The following SHB variants were observed in gnomAD, a reference collection of about 807,000 sequenced individuals.
The protein encoded by SHB is SH2 domain containing adaptor protein B.
In SHB, 20 loss-of-function variants were observed where a neutral mutation model predicts 52.3. The observed-to-expected ratio is 0.38, with a 90% CI of 0.27 to 0.56. The LOEUF is 0.56. Ranked by LOEUF, SHB falls within the 20% of genes least tolerant of loss-of-function variation. SHB has a pLI of 0.71. For missense variants in SHB, 825 were observed against 723.3 expected, an observed-to-expected ratio of 1.14 and a Z score of -1.61; for synonymous variants, 397 against 316.5, an observed-to-expected ratio of 1.25 and a Z score of -2.70.
intron 3 of SHB, among the ~76,000 whole-genome samples, chr9:37,959,413 C>T (rs552933135): frequency 3.3e-5 from 5 of 152,254 alleles, no homozygotes; most frequent in South Asian, 2.1e-4. Context: ...TGAAGGGCTG[C>T]GGCTTGCCCT....
intron 5 of SHB, among the ~76,000 whole-genome samples, chr9:37,942,925 G>A (rs1366384614): frequency 6.6e-6 from 1 of 152,042 alleles, no homozygotes; most frequent in Non-Finnish European, 1.5e-5. Context: ...GGGGGGACAG[G>A]GAGGCAGAAG....
intron 2 of SHB, among the ~76,000 whole-genome samples, chr9:37,999,630 C>G (rs1006619305): frequency 3.3e-5 from 5 of 152,084 alleles, no homozygotes; most frequent in African/African-American, 1.2e-4. Flanking sequence ...CTGACAGAGA[C>G]TGGGGACAAA....
At chr9:37,947,743 G>C (rs762330848) in intron 5 of SHB, among the ~76,000 whole-genome samples, 1 of 152,190 alleles carries the variant, frequency 6.6e-6, no homozygotes, top group Non-Finnish European at 1.5e-5. Flanking sequence ...TGACAACCGT[G>C]TCCCTGCAGG....
intron 3 of SHB, among the ~76,000 whole-genome samples, chr9:37,963,881 A>T (rs1156808688): frequency 1.3e-5 from 2 of 152,170 alleles, no homozygotes; most frequent in African/African-American, 2.4e-5. Context: ...CAAACAACGT[A>T]CTGTATCATC....
intron 2 of SHB, among the ~76,000 whole-genome samples, chr9:37,986,017 T>G (rs994074647): frequency 6.6e-6 from 1 of 152,246 alleles, no homozygotes; most frequent in African/African-American, 2.4e-5. Context: ...TAGTTCTGCC[T>G]GGCTCCCAGC....
intron 1 of SHB, among the ~76,000 whole-genome samples, chr9:38,062,452 TGCA>T (rs1342709281): frequency 6.6e-6 from 1 of 152,196 alleles, no homozygotes; most frequent in Admixed American, 6.5e-5. Flanking sequence ...GTCAACAGAA[TGCA>T]GCAGAAGGGT....
chr9:38,013,783 G>A lies in SHB; in HGVS notation c.838+2228C>T, dbSNP rs912386558. 7.2e-5 allele frequency among the ~76,000 whole-genome samples: 11 copies of A among 152,120 alleles called. 1 individual carries two copies. The highest frequency in any genetic ancestry group is 5.2e-4 in the Admixed American group (8 of 15,272). On this transcript the variant is annotated intron_variant, in intron 2 of 5. Coordinates refer to ENST00000377707, the MANE Select transcript of SHB (RefSeq NM_003028.3). ...CCTCTCCCATCCCCCTTCCATTCCCGAGTGTGGACTCCTGTAACAACATCC... is the reference window on the plus strand; with the variant it reads ...CCTCTCCCATCCCCCTTCCATTCCCAAGTGTGGACTCCTGTAACAACATCC...
intron 3 of SHB, among the ~76,000 whole-genome samples, chr9:37,959,291 A>G (rs1322056914): frequency 6.6e-6 from 1 of 152,152 alleles, no homozygotes; most frequent in Non-Finnish European, 1.5e-5. Context: ...GTCAGGGAGC[A>G]TGGGACTAGC....
intron 1 of SHB, among the ~76,000 whole-genome samples, chr9:38,035,030 A>G (rs1821467058): frequency 6.6e-6 from 1 of 152,126 alleles, no homozygotes. Flanking sequence ...AGCGGTCACC[A>G]GGATGATAAA....
chr9:37,952,827 G>C (rs1832582067), intron 4 of SHB, among the ~76,000 whole-genome samples: 1 of 152,046 alleles, frequency 6.6e-6, no homozygotes, highest in African/African-American at 2.4e-5. Context: ...GTTTCGAGGA[G>C]AAGATCAGGA....
intron 5 of SHB, among the ~76,000 whole-genome samples, chr9:37,934,992 C>T (rs1406512026): frequency 2.0e-5 from 3 of 152,198 alleles, no homozygotes; most frequent in Admixed American, 6.5e-5. Context: ...ACAGATCCCA[C>T]AGAAGTAAAA....
intron 1 of SHB, among the ~76,000 whole-genome samples, chr9:38,039,966 G>A (rs1420518266): frequency 1.3e-5 from 2 of 152,242 alleles, no homozygotes; most frequent in African/African-American, 2.4e-5. Flanking sequence ...CCAGGATTTG[G>A]GTTCTGAAAC....
At chr9:38,065,089 A>C (rs1052920993) in intron 1 of SHB, among the ~76,000 whole-genome samples, 3 of 152,234 alleles carry the variant, frequency 2.0e-5, no homozygotes, top group African/African-American at 7.2e-5. Context: ...CCTAGGTGAC[A>C]GAGTGAGACC....
rs1052916866 is a variant in SHB, at chr9:38,028,133, C to A, written c.718-12002G>T. On this transcript the variant is annotated intron_variant, in intron 1 of 5. Coordinates refer to ENST00000377707, the MANE Select transcript of SHB (RefSeq NM_003028.3). The stretch of plus-strand genomic sequence containing the variant: ...GTGCAGGCTGCCTCCCCTCCCAAAG[C>A]CCAAGTATCATTTTCTCCTGGTCTA... Among the ~76,000 whole-genome samples, 3 of 152,122 alleles carry A rather than the reference C, an allele frequency of 2.0e-5. No individual in the cohort carries two copies. The East Asian group carries it at 5.8e-4, about 29-fold the overall frequency.
Position 37,956,065 on chromosome 9 carries a change from A to G in SHB, c.1055-11T>C, listed in dbSNP as rs1200292175. Reference sequence around the variant, plus strand: ...TGCCATTAAACTGTGCTGTGGGGAGAGAGAGAAAGTGCAGGGTTAGCAGAG... The same window carrying G: ...TGCCATTAAACTGTGCTGTGGGGAGGGAGAGAAAGTGCAGGGTTAGCAGAG... On this transcript the variant is annotated splice_polypyrimidine_tract_variant and intron_variant, in intron 3 of 5. Coordinates refer to ENST00000377707, the MANE Select transcript of SHB (RefSeq NM_003028.3). 1.3e-6 allele frequency: 2 copies of G among 1,553,708 alleles called. No homozygotes were observed. Among genetic ancestry groups the G allele is most frequent in the Admixed American group, 3.9e-5 (2 of 51,068 alleles).
chr9:38,052,730 C>A (rs1821766933), intron 1 of SHB, among the ~76,000 whole-genome samples: 1 of 152,188 alleles, frequency 6.6e-6, no homozygotes, highest in Non-Finnish European at 1.5e-5. Flanking sequence ...TTCACTCACT[C>A]CCTCCACTAC....
At chr9:37,923,958 G>C (rs1417356774) in intron 5 of SHB, among the ~76,000 whole-genome samples, 1 of 152,226 alleles carries the variant, frequency 6.6e-6, no homozygotes, top group African/African-American at 2.4e-5. Context: ...GGCAGCATGG[G>C]CTTCCACACC....
chr9:37,978,344 T>C (rs1029077447), intron 2 of SHB, among the ~76,000 whole-genome samples: 3 of 152,204 alleles, frequency 2.0e-5, no homozygotes, highest in Non-Finnish European at 4.4e-5. Flanking sequence ...GGGGATGTTA[T>C]AACGGTAATC....
chr9:38,023,557 C>T (rs1011078613), intron 1 of SHB, among the ~76,000 whole-genome samples: 2 of 152,274 alleles, frequency 1.3e-5, no homozygotes, highest in African/African-American at 4.8e-5. Flanking sequence ...AAGAAACCCC[C>T]GCCAAGGCCC....
Sources: allele counts gnomAD v4.1 joint callset (sites outside exome capture counted in the v4.1 genomes callset), GRCh38; gene constraint gnomAD v4.1.1; transcripts MANE v1.5; gene names NCBI Gene and HGNC (gene_info 2026-07-23, HGNC 2026-07-21).